Variants in GABRG3 observed in about 807,000 individuals in gnomAD.
The protein encoded by GABRG3 is gamma-aminobutyric acid type A receptor subunit gamma3.
In GABRG3, 25 loss-of-function variants were observed where a neutral mutation model predicts 48.8. The ratio of observed to expected loss-of-function variants is 0.51; its 90% CI spans 0.37 to 0.72. The LOEUF is 0.72. Among genes scored for constraint, GABRG3 ranks in the 30% least tolerant of loss-of-function variants. GABRG3 has a pLI of 0.00. For synonymous variants in GABRG3, 227 were observed against 217.6 expected, an observed-to-expected ratio of 1.04 and a Z score of -0.38; for missense variants, 394 against 577.9, an observed-to-expected ratio of 0.68 and a Z score of 3.26.
At chr15:27,458,948 C>T (rs1183189093) in intron 5 of GABRG3, among the ~76,000 whole-genome samples, 1 of 152,216 alleles carries the variant, frequency 6.6e-6, no homozygotes, top group African/African-American at 2.4e-5. Flanking sequence ...CATTCTCTTC[C>T]TCTCTGGCTG....
intron 3 of GABRG3, among the ~76,000 whole-genome samples, chr15:27,265,387 C>A (rs1890886199): frequency 6.6e-6 from 1 of 152,150 alleles, no homozygotes; most frequent in Non-Finnish European, 1.5e-5. Context: ...ACAAAAAACA[C>A]CCGTCTATGC....
At chr15:27,132,895 A>G (rs1897944389) in intron 3 of GABRG3, among the ~76,000 whole-genome samples, 1 of 151,584 alleles carries the variant, frequency 6.6e-6, no homozygotes, top group Admixed American at 6.6e-5. Context: ...AACTTAGATT[A>G]TTGATGTGTC....
At chr15:27,363,831 G>T (rs576681045) in intron 5 of GABRG3, 1 of 152,310 alleles carries the variant, frequency 6.6e-6, no homozygotes, top group South Asian at 2.1e-4. Flanking sequence ...TGCAGGAGCG[G>T]CGCTGTCTTT....
At chr15:27,267,850 T>C (rs72702071) in intron 3 of GABRG3, among the ~76,000 whole-genome samples, 13,705 of 152,304 alleles carry the variant, frequency 0.09, 769 homozygotes, top group Non-Finnish European at 0.13. Context: ...TTACATTAAT[T>C]GATGAGCAGA....
At chr15:27,134,465 C>A (rs997490590) in intron 3 of GABRG3, among the ~76,000 whole-genome samples, 7 of 152,128 alleles carry the variant, frequency 4.6e-5, no homozygotes, top group African/African-American at 1.7e-4. Context: ...GGTGACTCTC[C>A]GCTCTGTTCA....
At chr15:27,176,688 G>A (rs1239263125) in intron 3 of GABRG3, among the ~76,000 whole-genome samples, 1 of 152,298 alleles carries the variant, frequency 6.6e-6, no homozygotes, top group East Asian at 1.9e-4. Flanking sequence ...AAGGTCCTGG[G>A]CTTTGTTACC....
chr15:27,088,052 G>A (rs747972168), intron 3 of GABRG3, among the ~76,000 whole-genome samples: 5 of 150,854 alleles, frequency 3.3e-5, no homozygotes, highest in Non-Finnish European at 7.4e-5. Flanking sequence ...ATGCTGTGGT[G>A]TTTGTGTGTG....
At chr15:27,370,506 C>T (rs1055308479) in intron 5 of GABRG3, among the ~76,000 whole-genome samples, 1 of 152,126 alleles carries the variant, frequency 6.6e-6, no homozygotes, top group Admixed American at 6.5e-5. Flanking sequence ...ATCTGAGCGG[C>T]GGAGTCTGGG....
chr15:27,109,236 A>G (rs1434797409), intron 3 of GABRG3, among the ~76,000 whole-genome samples: 1 of 152,216 alleles, frequency 6.6e-6, no homozygotes, highest in Non-Finnish European at 1.5e-5. Flanking sequence ...CAGAGTTTAC[A>G]GAGAGTTCCC....
intron 3 of GABRG3, among the ~76,000 whole-genome samples, chr15:27,197,292 C>T (rs974400406): frequency 7.2e-5 from 11 of 152,118 alleles, no homozygotes; most frequent in African/African-American, 1.9e-4. Context: ...ATATACTTTT[C>T]ATTTAAAATT....
At chr15:27,340,170 A>T (rs948674261) in intron 5 of GABRG3, among the ~76,000 whole-genome samples, 4 of 152,178 alleles carry the variant, frequency 2.6e-5, no homozygotes, top group African/African-American at 9.7e-5. Flanking sequence ...GGTGTTATAG[A>T]TTCCCACTTA....
chr15:27,464,054 T>G (rs1270649487), intron 5 of GABRG3, among the ~76,000 whole-genome samples: 1 of 152,178 alleles, frequency 6.6e-6, no homozygotes, highest in Non-Finnish European at 1.5e-5. Flanking sequence ...CTCCGCATTT[T>G]CATACTACTC....
intron 3 of GABRG3, among the ~76,000 whole-genome samples, chr15:27,307,150 A>G (rs1229847944): frequency 7.4e-6 from 1 of 134,364 alleles, no homozygotes. Flanking sequence ...ACATATATAA[A>G]CATATAAAAA....
chr15:27,345,192 C>T (rs1241182295), intron 5 of GABRG3, among the ~76,000 whole-genome samples: 1 of 152,128 alleles, frequency 6.6e-6, no homozygotes, highest in African/African-American at 2.4e-5. Flanking sequence ...AGAGCATTTA[C>T]ACTTAAAGTG....
At chr15:27,418,196 C>T (rs1013938261) in intron 5 of GABRG3, among the ~76,000 whole-genome samples, 8 of 152,108 alleles carry the variant, frequency 5.3e-5, no homozygotes, top group African/African-American at 1.9e-4. Flanking sequence ...CCTGTGAGCC[C>T]AGTGCTGGCT....
intron 3 of GABRG3, among the ~76,000 whole-genome samples, chr15:27,160,642 T>C (rs968760896): frequency 4.6e-5 from 7 of 152,058 alleles, no homozygotes; most frequent in African/African-American, 1.7e-4. Context: ...ATCCTCCTGT[T>C]ATTTCAATGA....
intron 3 of GABRG3, among the ~76,000 whole-genome samples, chr15:27,088,919 C>T (rs1172065489): frequency 6.6e-6 from 1 of 152,028 alleles, no homozygotes; most frequent in Non-Finnish European, 1.5e-5. Context: ...GGATCACAGC[C>T]TTGGCTGGGA....
intron 5 of GABRG3, among the ~76,000 whole-genome samples, chr15:27,417,058 A>G (rs1210565842): frequency 1.3e-5 from 2 of 152,316 alleles, no homozygotes; most frequent in East Asian, 3.9e-4. Context: ...GCTGGAGGTG[A>G]TATTACCATC....
intron 3 of GABRG3, among the ~76,000 whole-genome samples, chr15:27,318,796 G>T (rs1410168729): frequency 1.3e-5 from 2 of 152,240 alleles, no homozygotes; most frequent in Middle Eastern, 3.4e-3. Context: ...CTCTCTGGGG[G>T]TCTAAGGGTC....
Sources: gnomAD v4.1 joint callset for allele counts (sites outside exome capture counted in the v4.1 genomes callset) on GRCh38, gnomAD v4.1.1 for gene constraint, MANE v1.5 for transcripts, NCBI Gene and HGNC (gene_info 2026-07-23, HGNC 2026-07-21) for gene names.